MYO1E: variants seen among roughly 807,000 people sequenced by gnomAD.
MYO1E encodes myosin IE, also known as unconventional myosin-Ie.
In MYO1E, 68 loss-of-function variants were observed where a neutral mutation model predicts 151.1. That is an observed-to-expected ratio of 0.45 (90% confidence interval 0.37 to 0.55). The LOEUF (loss-of-function observed/expected upper bound fraction) is 0.55. MYO1E is among the 20% of genes least tolerant of loss of function. The pLI is 0.00. For missense variants in MYO1E, 1,363 were observed against 1,389.3 expected (o/e 0.98, Z 0.30); for synonymous variants, 601 against 501.7 (o/e 1.20, Z -2.64).
chr15:59,192,900 G>A (rs1161075796), intron 17 of MYO1E, among the ~76,000 whole-genome samples: 1 of 152,146 alleles, frequency 6.6e-6, no homozygotes. Context: ...GAGTGTAAAA[G>A]TGACAGAGAC....
chr15:59,175,382 G>T (rs1291817028), intron 19 of MYO1E, among the ~76,000 whole-genome samples: 2 of 152,212 alleles, frequency 1.3e-5, no homozygotes, highest in South Asian at 2.1e-4. Context: ...AAGCCAATGT[G>T]GTTTGAAGGC....
At chr15:59,189,244 G>C (rs2079718236) in intron 17 of MYO1E, among the ~76,000 whole-genome samples, 1 of 152,118 alleles carries the variant, frequency 6.6e-6, no homozygotes, top group Non-Finnish European at 1.5e-5. Flanking sequence ...ATTTTTTGGA[G>C]AGACAGGGTT....
intron 4 of MYO1E, among the ~76,000 whole-genome samples, chr15:59,249,423 CAA>C (rs5812966): frequency 1.5e-5 from 2 of 132,976 alleles, no homozygotes; most frequent in Non-Finnish European, 1.6e-5. Flanking sequence ...GACTCTGTCT[CAA>C]AAAAAAAAAA....
chr15:59,368,863 A>C (rs1217346695), intron 1 of MYO1E, among the ~76,000 whole-genome samples: 1 of 152,116 alleles, frequency 6.6e-6, no homozygotes, highest in African/African-American at 2.4e-5. Flanking sequence ...CTCTCCATCC[A>C]CTGCTCCACC....
intron 4 of MYO1E, among the ~76,000 whole-genome samples, chr15:59,251,598 C>T (rs1239048395): frequency 6.6e-6 from 1 of 152,158 alleles, no homozygotes; most frequent in Non-Finnish European, 1.5e-5. Context: ...GAAAATGTTT[C>T]AATTTCTCAG....
intron 2 of MYO1E, among the ~76,000 whole-genome samples, chr15:59,264,231 T>A (rs114908056): frequency 0.011 from 1,634 of 152,222 alleles, 33 homozygotes; most frequent in African/African-American, 0.037. Context: ...AATTTTCAGA[T>A]TAAGGATACT....
At chr15:59,335,783 G>A (rs898435973) in intron 1 of MYO1E, among the ~76,000 whole-genome samples, 1 of 152,108 alleles carries the variant, frequency 6.6e-6, no homozygotes. Context: ...AGACACGGAC[G>A]CATTCAAATG....
At chr15:59,322,764 G>T (rs552065567) in intron 1 of MYO1E, among the ~76,000 whole-genome samples, 8 of 151,896 alleles carry the variant, frequency 5.3e-5, no homozygotes, top group Admixed American at 1.3e-4. Flanking sequence ...GAGTTTGTTT[G>T]TTTTTTTTCC....
intron 1 of MYO1E, among the ~76,000 whole-genome samples, chr15:59,295,866 A>C (rs1402506051): frequency 6.6e-6 from 1 of 152,178 alleles, no homozygotes; most frequent in African/African-American, 2.4e-5. Context: ...GTATCTGTCT[A>C]GTGTAACAAT....
intron 1 of MYO1E, among the ~76,000 whole-genome samples, chr15:59,277,764 G>C (rs2080329905): frequency 6.6e-6 from 1 of 152,138 alleles, no homozygotes; most frequent in South Asian, 2.1e-4. Context: ...GTCATTAAAG[G>C]AACTTGCATG....
At chr15:59,339,873 A>C (rs1424165275) in intron 1 of MYO1E, among the ~76,000 whole-genome samples, 11 of 143,464 alleles carry the variant, frequency 7.7e-5, no homozygotes, top group Admixed American at 1.4e-4. Context: ...TTTTTGACAG[A>C]GTCTTGCTCT....
rs573872094 is a variant in MYO1E at position 59,244,745 on chromosome 15, T to C, written c.333-8073A>G. The stretch of plus-strand genomic sequence containing the variant: ...CATTACCTCTTTGAGACTCAGTTTC[T>C]TGATCTGCAAAAGTAGGGGACAGCA... On this transcript the variant is annotated intron_variant, in intron 4 of 27. Coordinates refer to ENST00000288235, the MANE Select transcript of MYO1E (RefSeq NM_004998.4). Among the ~76,000 whole-genome samples the C allele has an allele frequency of 3.3e-5, 5 of 152,344 alleles. No individual in the cohort carries two copies. The South Asian group carries it at 8.3e-4, about 25-fold the overall frequency.
intron 1 of MYO1E, among the ~76,000 whole-genome samples, chr15:59,322,812 G>C (rs1354391692): frequency 6.6e-6 from 1 of 152,122 alleles, no homozygotes; most frequent in Non-Finnish European, 1.5e-5. Context: ...TCTTACAACA[G>C]AAGACATGTC....
intron 4 of MYO1E, among the ~76,000 whole-genome samples, chr15:59,247,783 T>C (rs562219292): frequency 6.6e-6 from 1 of 152,240 alleles, no homozygotes; most frequent in South Asian, 2.1e-4. Context: ...ACTGAACTAG[T>C]AAGGCAATTC....
intron 1 of MYO1E, among the ~76,000 whole-genome samples, chr15:59,276,872 A>G (rs1187598589): frequency 6.6e-6 from 1 of 152,164 alleles, no homozygotes; most frequent in Admixed American, 6.5e-5. Flanking sequence ...TTCTCTCCTG[A>G]AAGTCCACCT....
At chr15:59,298,599 C>G (rs1342776495) in intron 1 of MYO1E, among the ~76,000 whole-genome samples, 1 of 152,290 alleles carries the variant, frequency 6.6e-6, no homozygotes. Context: ...GCCTGTGAAC[C>G]TCACCCCTGC....
chr15:59,207,379 G>A, intron 14 of MYO1E: 2 of 1,614,066 alleles, frequency 1.2e-6, no homozygotes, highest in Non-Finnish European at 1.7e-6. Flanking sequence ...CACAGCAGGT[G>A]CACGCCAAGA....
intron 18 of MYO1E, 55 bp from the exon 19 acceptor site, chr15:59,178,592 T>G: frequency 7.5e-6 from 12 of 1,596,654 alleles, no homozygotes; most frequent in Non-Finnish European, 1.0e-5. Context: ...GCACTGGTTT[T>G]CTACCCGGGC....
In MYO1E at chr15:59,173,860, G is replaced by T. The variant is rs201420160; in HGVS notation, c.2220C>A (p.Asn740Lys). 1.9e-6 allele frequency: 3 copies of T among 1,614,048 alleles called. No homozygotes were observed. In the African/African-American group the frequency reaches 4.0e-5, roughly 22 times the overall value. ...CCATCCCAATATAATCCCCTATAAA[G>T]TTCCTGTTAATACTGTTTCTCCTTC... ...KERRRNSINR[N>K]FIGDYIGMEE... The change falls in exon 21 of 28, where the codon AAC becomes AAA. Residue 740 changes from asparagine (N) to lysine (K), a missense_variant. Asn to Lys is a moderately conservative substitution (Grantham distance 94). Transcript: ENST00000288235.
Sources: allele counts gnomAD v4.1 joint callset (sites outside exome capture counted in the v4.1 genomes callset), GRCh38; gene constraint gnomAD v4.1.1; transcripts MANE v1.5; gene names NCBI Gene and HGNC (gene_info 2026-07-23, HGNC 2026-07-21).